PREX1: variants seen among roughly 807,000 people sequenced by gnomAD.
PREX1 encodes the protein phosphatidylinositol 3,4,5-trisphosphate-dependent Rac exchanger 1 protein.
Under a neutral mutation model 198.3 loss-of-function variants are expected in PREX1, and 41 were observed. The observed-to-expected ratio is 0.21, with a 90% CI of 0.16 to 0.27. PREX1 has a LOEUF of 0.27. Ranked by LOEUF, PREX1 falls within the 10% of genes least tolerant of loss-of-function variation. PREX1 has a pLI of 1.00. For missense variants in PREX1, 1,620 were observed against 2,200.7 expected, an observed-to-expected ratio of 0.74 and a Z score of 5.28; for synonymous variants, 843 against 887.2, an observed-to-expected ratio of 0.95 and a Z score of 0.89.
At chr20:48,793,804 AAGGGTC>A (rs1203583158) in intron 1 of PREX1, among the ~76,000 whole-genome samples, 1 of 152,244 alleles carries the variant, frequency 6.6e-6, no homozygotes, top group African/African-American at 2.4e-5. Flanking sequence ...ATTCATATGT[AAGGGTC>A]AGTTCTGGCC....
At chr20:48,649,637 G>A in intron 24 of PREX1, 61 bp from the exon 25 acceptor site, 1 of 1,509,256 alleles carries the variant, frequency 6.6e-7, no homozygotes, top group Non-Finnish European at 8.9e-7. Flanking sequence ...TGGGCCTTTG[G>A]GCGGAACAAT....
At chr20:48,672,670 G>C (rs575569165) in intron 14 of PREX1, among the ~76,000 whole-genome samples, 1 of 152,202 alleles carries the variant, frequency 6.6e-6, no homozygotes, top group Non-Finnish European at 1.5e-5. Context: ...CTCTGCCTAA[G>C]AGCCTCTGAG....
intron 3 of PREX1, among the ~76,000 whole-genome samples, chr20:48,743,066 G>A (rs11698214): frequency 0.074 from 11,203 of 152,118 alleles, 517 homozygotes; most frequent in South Asian, 0.19. Flanking sequence ...GCTGACACGC[G>A]GCATTAGCTT....
At chr20:48,774,953 G>A (rs903794393) in intron 1 of PREX1, among the ~76,000 whole-genome samples, 1 of 152,236 alleles carries the variant, frequency 6.6e-6, no homozygotes, top group Non-Finnish European at 1.5e-5. Context: ...CAGGGTGGCA[G>A]GGGCCACTAC....
At chr20:48,715,080 G>A (rs73332879) in intron 5 of PREX1, among the ~76,000 whole-genome samples, 1,832 of 152,300 alleles carry the variant, frequency 0.012, 33 homozygotes, top group African/African-American at 0.042. Flanking sequence ...ACATACTATG[G>A]TACTGAAAAC....
chr20:48,636,407 T>C, intron 32 of PREX1, 56 bp downstream of exon 32: 10 of 1,520,840 alleles, frequency 6.6e-6, no homozygotes, highest in Non-Finnish European at 7.9e-6. Flanking sequence ...CGACCCGGCC[T>C]GGGCGGGCAC....
rs775436893 is a variant in PREX1, at chr20:48,651,357, C to T, written c.2655+39G>A. On this transcript the variant is annotated intron_variant, in intron 22 of 39. Coordinates refer to ENST00000371941, the MANE Select transcript of PREX1 (RefSeq NM_020820.4). Reference sequence around the variant, plus strand: ...TTGATAAGAGAAACTGGCTTCAATCCCCCAGGGTAGGGCAGGGCCAGGCAG... The same window carrying T: ...TTGATAAGAGAAACTGGCTTCAATCTCCCAGGGTAGGGCAGGGCCAGGCAG... 55 of 1,550,480 alleles carry T rather than the reference C, an allele frequency of 3.5e-5. No homozygotes were observed. In the African/African-American group the frequency reaches 6.7e-4, roughly 19 times the overall value.
At chr20:48,730,426 C>G (rs1293813578) in intron 4 of PREX1, among the ~76,000 whole-genome samples, 1 of 151,042 alleles carries the variant, frequency 6.6e-6, no homozygotes, top group Admixed American at 6.7e-5. Flanking sequence ...CACACACACA[C>G]ACACACACAC....
At chr20:48,682,191 C>A (rs1378399748) in intron 10 of PREX1, among the ~76,000 whole-genome samples, 1 of 152,142 alleles carries the variant, frequency 6.6e-6, no homozygotes, top group Non-Finnish European at 1.5e-5. Context: ...CTCGGGGCTG[C>A]TGCACTTGCT....
upstream of PREX1, among the ~76,000 whole-genome samples, chr20:48,829,459 T>C (rs781019250): frequency 1.6e-4 from 24 of 152,116 alleles, no homozygotes; most frequent in Non-Finnish European, 3.1e-4. Context: ...GAGAATGGGG[T>C]GGCTTCTGCC....
chr20:48,793,310 T>C (rs923842540), intron 1 of PREX1, among the ~76,000 whole-genome samples: 6 of 152,238 alleles, frequency 3.9e-5, no homozygotes, highest in Non-Finnish European at 7.3e-5. Flanking sequence ...TGGGTTGTTT[T>C]TCAGGTGTGA....
chr20:48,771,581 G>A (rs796214025), intron 1 of PREX1, among the ~76,000 whole-genome samples: 44 of 152,176 alleles, frequency 2.9e-4, no homozygotes, highest in African/African-American at 1.1e-3. Context: ...AAGTTACAGT[G>A]AGCTGAGACT....
chr20:48,645,716 C>T (rs989490230), intron 26 of PREX1, 135 bp downstream of exon 26: 17 of 1,005,858 alleles, frequency 1.7e-5, no homozygotes, highest in East Asian at 5.3e-5. Flanking sequence ...CCCAGAACCA[C>T]GCTATCAGCA....
At position 48,645,846 on chromosome 20, in the gene PREX1, C is replaced by T; in HGVS notation, c.3512+5G>A. 1 of 1,613,816 alleles carries T rather than the reference C, an allele frequency of 6.2e-7. No individual in the cohort carries two copies. The highest frequency in any genetic ancestry group is 8.5e-7 in the Non-Finnish European group (1 of 1,179,868). ...TAACCTCAGCCCCCTGACGGTGACACCCACCTGTAGGAGTCGCGATAACTC... is the reference window on the plus strand; with the variant it reads ...TAACCTCAGCCCCCTGACGGTGACATCCACCTGTAGGAGTCGCGATAACTC... On this transcript the variant is annotated splice_donor_5th_base_variant and intron_variant, in intron 26 of 39. Transcript: ENST00000371941.
intron 5 of PREX1, among the ~76,000 whole-genome samples, chr20:48,718,454 C>G (rs1283016124): frequency 6.6e-6 from 1 of 151,676 alleles, no homozygotes; most frequent in African/African-American, 2.4e-5. Context: ...CTAAAACAAT[C>G]CAAAATAAAA....
At chr20:48,826,367 A>C (rs933735730) in intron 1 of PREX1, among the ~76,000 whole-genome samples, 7 of 151,906 alleles carry the variant, frequency 4.6e-5, no homozygotes, top group Non-Finnish European at 1.0e-4. Flanking sequence ...CACTTTTCTC[A>C]CTTCCTAGGA....
intron 3 of PREX1, among the ~76,000 whole-genome samples, chr20:48,741,686 G>A (rs1342066885): frequency 6.6e-6 from 1 of 152,210 alleles, no homozygotes; most frequent in Non-Finnish European, 1.5e-5. Context: ...GAGAATGACA[G>A]AGTAGGGGAG....
chr20:48,639,831 T>G lies in PREX1; in HGVS notation c.3839A>C (p.Glu1280Ala). 6.2e-7 allele frequency: 1 copy of G among 1,613,982 alleles called. No individual in the cohort carries two copies. Among genetic ancestry groups the G allele is most frequent in the Non-Finnish European group, 8.5e-7 (1 of 1,179,862 alleles). The change falls in exon 30 of 40, where the codon GAG becomes GCG. Residue 1280 changes from glutamate to alanine, a missense_variant. Physicochemically the swap from Glu to Ala is moderately radical, Grantham distance 107. Transcript: ENST00000371941. ...GGAGTTGGGGAGGTTCCAGGGGTCC[T>G]CCTGGATGCTAATCTGGATCAGGCT... ...GRSLIQISIQEDPWNLPNSIK... is the reference protein window; with the variant it reads ...GRSLIQISIQADPWNLPNSIK...
At chr20:48,742,183 C>A (rs1020841995) in intron 3 of PREX1, among the ~76,000 whole-genome samples, 1 of 152,138 alleles carries the variant, frequency 6.6e-6, no homozygotes, top group Non-Finnish European at 1.5e-5. Context: ...CATGATAGAT[C>A]GCCTGGAATG....
Sources: gnomAD v4.1 joint callset for allele counts (sites outside exome capture counted in the v4.1 genomes callset) on GRCh38, gnomAD v4.1.1 for gene constraint, MANE v1.5 for transcripts, NCBI Gene and HGNC (gene_info 2026-07-23, HGNC 2026-07-21) for gene names.